PPA2: variants seen among roughly 807,000 people sequenced by gnomAD.
PPA2 encodes inorganic pyrophosphatase 2.
In PPA2, 48 loss-of-function variants were observed where a neutral mutation model predicts 49.5. The observed-to-expected ratio is 0.97, with a 90% CI of 0.77 to 1.23. The LOEUF is 1.23. Ranked by LOEUF, PPA2 falls within the 50% of genes most tolerant of loss-of-function variation. The pLI is 0.00. For synonymous variants in PPA2, 131 were observed against 139.9 expected, an observed-to-expected ratio of 0.94 and a Z score of 0.45; for missense variants, 429 against 410.1, an observed-to-expected ratio of 1.05 and a Z score of -0.40.
intron 3 of PPA2, among the ~76,000 whole-genome samples, chr4:105,452,666 G>C (rs1722720395): frequency 6.6e-6 from 1 of 152,148 alleles, no homozygotes; most frequent in South Asian, 2.1e-4. Flanking sequence ...GTAAGTTTCA[G>C]TTGGGGTAGA....
At chr4:105,397,547 T>C (rs1165748945) in intron 8 of PPA2, among the ~76,000 whole-genome samples, 2 of 152,216 alleles carry the variant, frequency 1.3e-5, no homozygotes, top group African/African-American at 2.4e-5. Flanking sequence ...TCTTGAGTTA[T>C]ACCCTGCTAT....
intron 10 of PPA2, among the ~76,000 whole-genome samples, chr4:105,385,504 CA>C (rs1733647049): frequency 6.6e-6 from 1 of 151,872 alleles, no homozygotes; most frequent in African/African-American, 2.4e-5. Flanking sequence ...CATTTAGGAA[CA>C]TTTTAGTTGT....
At chr4:105,405,889 T>C (rs1354717032) in intron 7 of PPA2, 2 of 453,848 alleles carry the variant, frequency 4.4e-6, no homozygotes, top group African/African-American at 2.0e-5. Flanking sequence ...GTTTGGCTCC[T>C]GTCAAGTGAA....
At chr4:105,437,378 G>T (rs755147416) in intron 6 of PPA2, among the ~76,000 whole-genome samples, 3 of 152,092 alleles carry the variant, frequency 2.0e-5, no homozygotes, top group Non-Finnish European at 2.9e-5. Flanking sequence ...ATAGAAGAAA[G>T]AACTGACCAA....
chr4:105,464,919 T>C (rs1723239677), intron 1 of PPA2, among the ~76,000 whole-genome samples: 1 of 152,202 alleles, frequency 6.6e-6, no homozygotes, highest in Admixed American at 6.5e-5. Context: ...TAACCTGACT[T>C]TTACCTCCCT....
chr4:105,395,893 C>T (rs1734119622), intron 9 of PPA2, among the ~76,000 whole-genome samples: 1 of 152,020 alleles, frequency 6.6e-6, no homozygotes, highest in Admixed American at 6.5e-5. Context: ...AATTAGTGAT[C>T]ATGATGAATA....
At chr4:105,453,802 C>T in intron 2 of PPA2, 160 bp from the exon 3 acceptor site, 1 of 487,744 alleles carries the variant, frequency 2.1e-6, no homozygotes, top group South Asian at 4.5e-5. Context: ...TTCGTTCTCC[C>T]CTGAGCATTT....
chr4:105,446,284 C>T (rs1722382252), intron 5 of PPA2, 99 bp downstream of exon 5: 1 of 1,250,398 alleles, frequency 8.0e-7, no homozygotes, highest in Admixed American at 2.8e-5. Context: ...CTCCAAATGA[C>T]ATGTCCTCAG....
intron 5 of PPA2, among the ~76,000 whole-genome samples, chr4:105,444,720 T>C (rs1053050181): frequency 6.6e-6 from 1 of 152,186 alleles, no homozygotes; most frequent in Non-Finnish European, 1.5e-5. Flanking sequence ...TAATTTTAAA[T>C]TAGTAGATGA....
chr4:105,385,880 T>TA (rs1560606456), intron 10 of PPA2, among the ~76,000 whole-genome samples: 1 of 47,966 alleles, frequency 2.1e-5, no homozygotes, highest in African/African-American at 4.4e-5. Context: ...TTATTTTCAA[T>TA]TTTTTTTTTT....
intron 7 of PPA2, among the ~76,000 whole-genome samples, chr4:105,419,722 CAA>C (rs1723169664): frequency 1.3e-5 from 2 of 151,676 alleles, no homozygotes; most frequent in African/African-American, 4.9e-5. Flanking sequence ...TAATTAGGAT[CAA>C]AAAAGTTATT....
intron 5 of PPA2, among the ~76,000 whole-genome samples, chr4:105,441,540 T>C (rs1724359637): frequency 6.6e-6 from 1 of 152,070 alleles, no homozygotes; most frequent in South Asian, 2.1e-4. Flanking sequence ...AAAATAGTTA[T>C]ACAACTCATA....
chr4:105,473,436 G>A (rs1723610954), intron 1 of PPA2: 1 of 376,062 alleles, frequency 2.7e-6, no homozygotes, highest in Non-Finnish European at 5.2e-6. Flanking sequence ...CTGCCTCTCC[G>A]ACGTCAGGGA....
chr4:105,399,141 T>C lies in PPA2; in HGVS notation c.679A>G (p.Lys227Glu). Residue 227 changes from lysine to glutamate, a missense_variant, in exon 8 of 12, where the codon AAA becomes GAA. Lys to Glu is a moderately conservative substitution (Grantham distance 56, BLOSUM62 1). Coordinates refer to ENST00000341695, the MANE Select transcript of PPA2 (RefSeq NM_176869.3). Reference sequence around the variant, plus strand: ...AGAGTAGCTTCCAGGTAACCCGGTTTGAACTTCTTAACATCATCAATATCT... The same window carrying C: ...AGAGTAGCTTCCAGGTAACCCGGTTCGAACTTCTTAACATCATCAATATCT... The part of the protein sequence containing the change: ...FHDIDDVKKF[K>E]PGYLEATLNW... The C allele has an allele frequency of 1.9e-6, 3 of 1,605,694 alleles. No individual in the cohort carries two copies. The highest frequency in any genetic ancestry group is 2.5e-6 in the Non-Finnish European group (3 of 1,177,674).
intron 5 of PPA2, among the ~76,000 whole-genome samples, chr4:105,444,699 T>A (rs1057155792): frequency 2.0e-4 from 30 of 152,204 alleles, no homozygotes; most frequent in African/African-American, 7.2e-4. Context: ...TTTGCTTTTT[T>A]ATTTTTTTCA....
chr4:105,405,006 C>G (rs1260861265), intron 7 of PPA2: 2 of 171,552 alleles, frequency 1.2e-5, no homozygotes, highest in Admixed American at 1.3e-4. Context: ...TGGCATGAAC[C>G]TGGGAGGCGG....
At chr4:105,410,979 A>G (rs1296969766) in intron 7 of PPA2, among the ~76,000 whole-genome samples, 2 of 152,252 alleles carry the variant, frequency 1.3e-5, no homozygotes, top group African/African-American at 4.8e-5. Flanking sequence ...GGTAAAGACC[A>G]TCAACACTAT....
At chr4:105,387,832 T>C (rs1362213581) in intron 9 of PPA2, among the ~76,000 whole-genome samples, 1 of 151,316 alleles carries the variant, frequency 6.6e-6, no homozygotes, top group South Asian at 2.1e-4. Context: ...AAGCTGACAA[T>C]TGAAAAAGGC....
chr4:105,455,519 A>G (rs1380621381), intron 2 of PPA2, among the ~76,000 whole-genome samples: 1 of 152,196 alleles, frequency 6.6e-6, no homozygotes, highest in Non-Finnish European at 1.5e-5. Flanking sequence ...ATGATGGACA[A>G]GGTACTTAGC....
Sources: allele counts gnomAD v4.1 joint callset (sites outside exome capture counted in the v4.1 genomes callset), GRCh38; gene constraint gnomAD v4.1.1; transcripts MANE v1.5; gene names NCBI Gene and HGNC (gene_info 2026-07-23, HGNC 2026-07-21).